The following AIG1 variants were observed in gnomAD, a reference collection of about 807,000 sequenced individuals.
AIG1 encodes androgen induced 1.
A neutral mutation model predicts 31.4 loss-of-function variants in AIG1; 23 were observed. The observed-to-expected ratio is 0.73, with a 90% CI of 0.53 to 1.04. AIG1 has a LOEUF of 1.04. AIG1 is among the 50% of genes least tolerant of loss of function. AIG1 has a pLI of 0.00. For synonymous variants in AIG1, 100 were observed against 110.5 expected, an observed-to-expected ratio of 0.90 and a Z score of 0.60; for missense variants, 274 against 295.0, an observed-to-expected ratio of 0.93 and a Z score of 0.52.
intron 3 of AIG1, among the ~76,000 whole-genome samples, chr6:143,200,388 C>T (rs1025229281): frequency 6.6e-6 from 1 of 152,084 alleles, no homozygotes; most frequent in Non-Finnish European, 1.5e-5. Context: ...ACTGGTGTAA[C>T]AACAGCTGTA....
Position 143,165,180 on chromosome 6 carries a change from A to G in AIG1, c.396A>G (p.Gly132=). 3 of 1,608,774 alleles carry G rather than the reference A, an allele frequency of 1.9e-6. No individual in the cohort carries two copies. The highest frequency in any genetic ancestry group is 2.6e-6 in the Non-Finnish European group (3 of 1,175,360). The change falls in exon 3 of 6, where the codon GGA becomes GGG. Residue 132 remains glycine, a synonymous_variant. Coordinates refer to ENST00000357847, the MANE Select transcript of AIG1 (RefSeq NM_016108.4). ...TTATCCCAGGGTGGCTGAATCACGG[A>G]ATGGTGAGTGGATTAAAACAAACGG... The part of the protein sequence containing the change: ...DNFIPGWLNH[G]MHTTVLPFIL...
At chr6:143,157,612 G>A (rs1785922921) in intron 2 of AIG1, among the ~76,000 whole-genome samples, 1 of 151,960 alleles carries the variant, frequency 6.6e-6, no homozygotes, top group Non-Finnish European at 1.5e-5. Context: ...GCTAAACCCC[G>A]ACTGTCTTCA....
rs529701372 is a variant in AIG1 at position 143,142,313 on chromosome 6, A to G, written c.297+5323A>G. Among the ~76,000 whole-genome samples the G allele has an allele frequency of 6.8e-4, 103 of 152,254 alleles. 1 individual carries two copies. Among genetic ancestry groups the G allele is most frequent in the African/African-American group, 2.4e-3 (99 of 41,554 alleles). ...GGTCTTGAACTCCTGGCCTCAAATG[A>G]TTCTCCTGCCTCAGCCTCCTGAGTA... is the stretch of plus-strand genomic sequence containing the variant. On this transcript the variant is annotated intron_variant, in intron 2 of 5. Coordinates refer to ENST00000357847, the MANE Select transcript of AIG1 (RefSeq NM_016108.4).
At chr6:143,080,685 G>C (rs56381249) in intron 1 of AIG1, among the ~76,000 whole-genome samples, 3 of 152,056 alleles carry the variant, frequency 2.0e-5, no homozygotes, top group Non-Finnish European at 4.4e-5. Flanking sequence ...CTTTCCTCAC[G>C]GTTGTCGCCT....
chr6:143,149,337 T>C (rs1583328295), intron 2 of AIG1, among the ~76,000 whole-genome samples: 2 of 151,564 alleles, frequency 1.3e-5, no homozygotes, highest in African/African-American at 2.4e-5. Flanking sequence ...CCATCCTGGC[T>C]AACATGGTGA....
chr6:143,070,481 A>G (rs765292436), intron 1 of AIG1, among the ~76,000 whole-genome samples: 6 of 152,000 alleles, frequency 3.9e-5, no homozygotes, highest in Non-Finnish European at 5.9e-5. Flanking sequence ...TTCTTAGTCC[A>G]TTTTGTGTTG....
chr6:143,335,022 GACTA>G lies in AIG1; in HGVS notation c.679+1581_679+1584del, dbSNP rs1199695001. On this transcript the variant is annotated intron_variant, in intron 5 of 5. Transcript: ENST00000357847. Reference sequence around the variant, plus strand: ...CCATTCTTTTAAGTAACATAAGATTGACTAACTTTTTTTAAAAATTCATTTTAGA... The same window carrying G: ...CCATTCTTTTAAGTAACATAAGATTGACTTTTTTTAAAAATTCATTTTAGA... The G allele has an allele frequency of 2.2e-5, 29 of 1,291,626 alleles. No homozygotes were observed. In the Middle Eastern group the frequency reaches 5.7e-4, roughly 25 times the overall value. 80.0% of individuals were successfully genotyped at this position (1,291,626 alleles called of 1,614,324 possible). A position where few individuals can be genotyped will look rare whatever the true frequency, so the allele number is the denominator to read the frequency against.
chr6:143,229,007 G>C (rs974798866), intron 3 of AIG1, among the ~76,000 whole-genome samples: 9 of 152,206 alleles, frequency 5.9e-5, no homozygotes, highest in African/African-American at 1.9e-4. Flanking sequence ...TAGAAACCCA[G>C]ATTTGGGGCC....
chr6:143,185,283 G>A (rs1789153195), intron 3 of AIG1, among the ~76,000 whole-genome samples: 1 of 151,968 alleles, frequency 6.6e-6, no homozygotes, highest in African/African-American at 2.4e-5. Context: ...AAACTACCTG[G>A]TCCTTGAGGG....
At chr6:143,272,018 C>G (rs1278473728) in intron 3 of AIG1, among the ~76,000 whole-genome samples, 2 of 152,140 alleles carry the variant, frequency 1.3e-5, no homozygotes, top group African/African-American at 4.8e-5. Context: ...TACATTCTCC[C>G]TAAAGTACTT....
At chr6:143,214,042 T>C (rs865950247) in intron 3 of AIG1, among the ~76,000 whole-genome samples, 7 of 152,266 alleles carry the variant, frequency 4.6e-5, no homozygotes, top group African/African-American at 7.2e-5. Flanking sequence ...AACAAAAGTA[T>C]AATAAAACAT....
At chr6:143,277,267 A>C (rs1797004256) in intron 3 of AIG1, among the ~76,000 whole-genome samples, 1 of 152,224 alleles carries the variant, frequency 6.6e-6, no homozygotes, top group Admixed American at 6.5e-5. Context: ...TTCGAGTTAC[A>C]ATCTAGAGTG....
chr6:143,239,960 C>G (rs1255895847), intron 3 of AIG1, among the ~76,000 whole-genome samples: 4 of 152,208 alleles, frequency 2.6e-5, no homozygotes, highest in Non-Finnish European at 5.9e-5. Flanking sequence ...GTATTTAACA[C>G]TAGAGGTTCC....
At chr6:143,087,318 A>G (rs1449033091) in intron 1 of AIG1, among the ~76,000 whole-genome samples, 5 of 152,174 alleles carry the variant, frequency 3.3e-5, no homozygotes, top group Admixed American at 3.3e-4. Flanking sequence ...ACACATTCCA[A>G]GGAATGGAAC....
chr6:143,248,312 G>A (rs918182459), intron 3 of AIG1, among the ~76,000 whole-genome samples: 2 of 152,170 alleles, frequency 1.3e-5, no homozygotes, highest in African/African-American at 2.4e-5. Flanking sequence ...CATAGAGTAC[G>A]TCACAATGGA....
chr6:143,138,910 A>G (rs934327912), intron 2 of AIG1, among the ~76,000 whole-genome samples: 1 of 151,692 alleles, frequency 6.6e-6, no homozygotes, highest in Non-Finnish European at 1.5e-5. Context: ...AAAAAAAAAA[A>G]AGTAAACATG....
intron 3 of AIG1, among the ~76,000 whole-genome samples, chr6:143,206,990 C>T (rs1421418557): frequency 6.6e-6 from 1 of 152,044 alleles, no homozygotes. Context: ...TTAATGGGCC[C>T]TGCAAAGTAA....
intron 1 of AIG1, among the ~76,000 whole-genome samples, chr6:143,062,452 G>A (rs1018878051): frequency 2.0e-5 from 3 of 152,144 alleles, no homozygotes; most frequent in Non-Finnish European, 2.9e-5. Context: ...AGACTCTGAG[G>A]TGTGCTTTTC....
At chr6:143,226,252 T>TC (rs928355182) in intron 3 of AIG1, among the ~76,000 whole-genome samples, 5 of 151,452 alleles carry the variant, frequency 3.3e-5, no homozygotes, top group African/African-American at 1.2e-4. Context: ...ATATATTTTT[T>TC]TTTTTTTGAG....
Sources: gnomAD v4.1 joint callset for allele counts (sites outside exome capture counted in the v4.1 genomes callset) on GRCh38, gnomAD v4.1.1 for gene constraint, MANE v1.5 for transcripts, NCBI Gene and HGNC (gene_info 2026-07-23, HGNC 2026-07-21) for gene names.